The following MAGI2 variants were observed in gnomAD, a reference collection of about 807,000 sequenced individuals.
The protein encoded by MAGI2 is membrane associated guanylate kinase, WW and PDZ domain containing 2.
A neutral mutation model predicts 133.3 loss-of-function variants in MAGI2; 35 were observed. The ratio of observed to expected loss-of-function variants is 0.26; its 90% CI spans 0.20 to 0.35. The LOEUF is 0.35. MAGI2 is among the 10% of genes least tolerant of loss of function. The pLI is 1.00. For synonymous variants in MAGI2, 729 were observed against 710.6 expected (o/e 1.03, Z -0.41); for missense variants, 1,636 against 1,863.4 (o/e 0.88, Z 2.25).
intron 2 of MAGI2, among the ~76,000 whole-genome samples, chr7:78,649,237 A>AAAAAAAAAAAAAAAAAAAAG (rs1563294737): frequency 3.8e-4 from 25 of 65,472 alleles, no homozygotes; most frequent in East Asian, 9.5e-4. Context: ...AAAAAAAAAG[A>AAAAAAAAAAAAAAAAAAAAG]AAAAAAAAGA....
At chr7:78,864,632 G>A (rs1794409110) in intron 2 of MAGI2, among the ~76,000 whole-genome samples, 1 of 151,964 alleles carries the variant, frequency 6.6e-6, no homozygotes, top group South Asian at 2.1e-4. Flanking sequence ...ATAACAGGTT[G>A]GAATTCACAT....
intron 1 of MAGI2, among the ~76,000 whole-genome samples, chr7:79,083,308 T>G (rs1027752397): frequency 6.6e-6 from 1 of 151,312 alleles, no homozygotes; most frequent in Non-Finnish European, 1.5e-5. Flanking sequence ...ATGTTATTTT[T>G]TTTTTTTTTT....
At chr7:79,312,283 C>T (rs1838350120) in intron 1 of MAGI2, among the ~76,000 whole-genome samples, 1 of 152,164 alleles carries the variant, frequency 6.6e-6, no homozygotes. Flanking sequence ...ATGATCTCCC[C>T]ACCCACTATT....
At chr7:78,810,705 T>C (rs1788973904) in intron 2 of MAGI2, among the ~76,000 whole-genome samples, 1 of 152,076 alleles carries the variant, frequency 6.6e-6, no homozygotes, top group Admixed American at 6.6e-5. Context: ...CCCAATACAA[T>C]TTTAGTCCTG....
chr7:78,525,430 A>G (rs569061630), intron 3 of MAGI2, among the ~76,000 whole-genome samples: 17 of 152,238 alleles, frequency 1.1e-4, no homozygotes, highest in African/African-American at 3.6e-4. Context: ...CCTGAATATA[A>G]GTGTATACAA....
At chr7:78,572,740 G>A (rs1300926905) in intron 3 of MAGI2, among the ~76,000 whole-genome samples, 2 of 151,566 alleles carry the variant, frequency 1.3e-5, no homozygotes, top group Non-Finnish European at 2.9e-5. Flanking sequence ...TTGGCTCACC[G>A]CAACCTCCGC....
intron 21 of MAGI2, among the ~76,000 whole-genome samples, chr7:78,067,236 C>T (rs1251278536): frequency 5.9e-5 from 9 of 152,278 alleles, no homozygotes; most frequent in Admixed American, 3.9e-4. Flanking sequence ...TGTCACACAG[C>T]GAAGGCTCTC....
At chr7:78,266,894 C>T (rs2150975453) in intron 9 of MAGI2, among the ~76,000 whole-genome samples, 1 of 152,218 alleles carries the variant, frequency 6.6e-6, no homozygotes. Context: ...TTTATGACTC[C>T]AACTGCAGAC....
chr7:78,808,873 G>A (rs1393748529), intron 2 of MAGI2, among the ~76,000 whole-genome samples: 1 of 152,252 alleles, frequency 6.6e-6, no homozygotes, highest in Admixed American at 6.5e-5. Context: ...ATGTGATAAA[G>A]CTACATGACC....
chr7:78,332,842 A>G (rs1430935400), intron 9 of MAGI2, among the ~76,000 whole-genome samples: 1 of 152,134 alleles, frequency 6.6e-6, no homozygotes. Context: ...AATGAAGTGG[A>G]GTTTTGAAAG....
intron 5 of MAGI2, among the ~76,000 whole-genome samples, chr7:78,498,932 T>C (rs1384545340): frequency 6.6e-6 from 1 of 152,146 alleles, no homozygotes; most frequent in Non-Finnish European, 1.5e-5. Context: ...ATCAGCTCTT[T>C]CGCCACAGAT....
intron 3 of MAGI2, among the ~76,000 whole-genome samples, chr7:78,606,245 A>G (rs547915717): frequency 7.2e-5 from 11 of 152,246 alleles, no homozygotes; most frequent in African/African-American, 2.4e-4. Context: ...TGGAGGATGT[A>G]TATGGGTTCA....
chr7:79,206,684 GA>G (rs1291801606), intron 1 of MAGI2, among the ~76,000 whole-genome samples: 3 of 151,708 alleles, frequency 2.0e-5, no homozygotes, highest in African/African-American at 7.3e-5. Context: ...CCAAAAAATT[GA>G]AAAGGAAGGA....
At chr7:78,667,934 T>C (rs1443084727) in intron 2 of MAGI2, among the ~76,000 whole-genome samples, 1 of 152,174 alleles carries the variant, frequency 6.6e-6, no homozygotes, top group Non-Finnish European at 1.5e-5. Flanking sequence ...TCAAATGGTA[T>C]TTCTAGTTCT....
intron 1 of MAGI2, among the ~76,000 whole-genome samples, chr7:79,224,513 T>C (rs1830686847): frequency 6.6e-6 from 1 of 152,066 alleles, no homozygotes; most frequent in Admixed American, 6.6e-5. Context: ...CAAAAGCCTG[T>C]ACATAAATGC....
intron 1 of MAGI2, among the ~76,000 whole-genome samples, chr7:79,024,731 G>A (rs1809694269): frequency 6.6e-6 from 1 of 151,878 alleles, no homozygotes; most frequent in Admixed American, 6.6e-5. Context: ...ACATATGCAT[G>A]GACAACAAGC....
chr7:79,124,980 T>C (rs1311646023), intron 1 of MAGI2: 2 of 270,032 alleles, frequency 7.4e-6, no homozygotes, highest in Non-Finnish European at 1.4e-5. Context: ...GAGGGAAGAG[T>C]TGTGGAAGCA....
chr7:78,787,604 C>T (rs921543572), intron 2 of MAGI2, among the ~76,000 whole-genome samples: 3 of 152,160 alleles, frequency 2.0e-5, no homozygotes, highest in African/African-American at 4.8e-5. Flanking sequence ...GTTCTACCCC[C>T]GTTACTGCCA....
chr7:78,416,008 G>A (rs976775344), intron 6 of MAGI2, among the ~76,000 whole-genome samples: 21 of 152,144 alleles, frequency 1.4e-4, no homozygotes, highest in African/African-American at 4.8e-4. Flanking sequence ...GTTCCAGGGA[G>A]CAGAATGGAG....
Sources: gnomAD v4.1 joint callset for allele counts (sites outside exome capture counted in the v4.1 genomes callset) on GRCh38, gnomAD v4.1.1 for gene constraint, MANE v1.5 for transcripts, NCBI Gene and HGNC (gene_info 2026-07-23, HGNC 2026-07-21) for gene names.